TMEM123: variants seen among roughly 807,000 people sequenced by gnomAD.
The protein encoded by TMEM123 is porimin.
Under a neutral mutation model 19.7 loss-of-function variants are expected in TMEM123, and 16 were observed. The observed-to-expected ratio is 0.81, with a 90% confidence interval of 0.55 to 1.23. TMEM123 has a LOEUF of 1.23. Among genes scored for constraint, TMEM123 ranks in the 50% most tolerant of loss-of-function variants. The probability of loss-of-function intolerance (pLI) is 0.00; values close to 1 mark genes in which losing one functional copy is unlikely to be tolerated. For missense variants in TMEM123, 313 were observed against 257.8 expected, an observed-to-expected ratio of 1.21 and a Z score of -1.47; for synonymous variants, 118 against 99.4, an observed-to-expected ratio of 1.19 and a Z score of -1.12.
At chr11:102,451,836 T>TGCAGCTGTGCCCTTAACGCTGC (rs1857942695) in intron 1 of TMEM123, among the ~76,000 whole-genome samples, 2 of 152,238 alleles carry the variant, frequency 1.3e-5, no homozygotes, top group South Asian at 4.1e-4. Flanking sequence ...CCGGCGACCG[T>TGCAGCTGTGCCCTTAACGCTGC]GCAGCTGTGC....
chr11:102,433,638 G>A (rs1446803447), intron 2 of TMEM123, among the ~76,000 whole-genome samples: 1 of 151,842 alleles, frequency 6.6e-6, no homozygotes, highest in Admixed American at 6.6e-5. Context: ...CTGAGGGCAT[G>A]AGATTTGGGA....
intron 2 of TMEM123, among the ~76,000 whole-genome samples, chr11:102,430,759 G>GC (rs1005246308): frequency 4.9e-4 from 75 of 152,342 alleles, no homozygotes; most frequent in African/African-American, 1.7e-3. Flanking sequence ...TACTCTCTTA[G>GC]CCGCATGAGA....
intron 2 of TMEM123, among the ~76,000 whole-genome samples, chr11:102,415,908 TATTATTATTATC>T (rs988474142): frequency 3.1e-4 from 8 of 26,172 alleles, no homozygotes; most frequent in African/African-American, 5.4e-4. Flanking sequence ...TTATTATTAT[TATTATTATTATC>T]ATCATTATTT....
rs918757035 is a variant in TMEM123 at position 102,436,618 on chromosome 11, T to C, written c.157+12194A>G. 2.1e-4 allele frequency among the ~76,000 whole-genome samples: 32 copies of C among 151,958 alleles called. 1 individual carries two copies. Among genetic ancestry groups the C allele is most frequent in the African/African-American group, 7.7e-4 (32 of 41,426 alleles). ...TGCAGTTAACGTTCAGTACCAATTA[T>C]TGTTTAACTCTACTTACTGCTTAAC... On this transcript the variant is annotated intron_variant, in intron 2 of 4. Transcript: ENST00000398136.
chr11:102,442,878 C>G (rs1257548776), intron 2 of TMEM123, among the ~76,000 whole-genome samples: 3 of 152,178 alleles, frequency 2.0e-5, no homozygotes, highest in Non-Finnish European at 4.4e-5. Flanking sequence ...GTGCAAAAAT[C>G]ACAAGCATTC....
At chr11:102,427,550 C>T (rs895310456) in intron 2 of TMEM123, among the ~76,000 whole-genome samples, 3 of 144,906 alleles carry the variant, frequency 2.1e-5, no homozygotes, top group Non-Finnish European at 4.5e-5. Context: ...ATAAATTCTA[C>T]GGAAATGGCT....
At chr11:102,408,566 G>GAGAATT (rs1288705322) in intron 2 of TMEM123, among the ~76,000 whole-genome samples, 1 of 152,200 alleles carries the variant, frequency 6.6e-6, no homozygotes, top group East Asian at 1.9e-4. Flanking sequence ...AAGAGTCTGG[G>GAGAATT]AGAATTCACT....
At chr11:102,428,110 T>C (rs1389013184) in intron 2 of TMEM123, among the ~76,000 whole-genome samples, 1 of 152,130 alleles carries the variant, frequency 6.6e-6, no homozygotes, top group African/African-American at 2.4e-5. Context: ...TCACCCTTCC[T>C]GGGAGTGTGA....
intron 2 of TMEM123, among the ~76,000 whole-genome samples, chr11:102,439,313 C>A (rs1565355459): frequency 6.6e-6 from 1 of 151,316 alleles, no homozygotes; most frequent in Non-Finnish European, 1.5e-5. Context: ...GTCCCTGACC[C>A]CCGAGAAGCC....
intron 2 of TMEM123, among the ~76,000 whole-genome samples, chr11:102,429,539 C>G (rs931187420): frequency 6.6e-6 from 1 of 152,128 alleles, no homozygotes; most frequent in African/African-American, 2.4e-5. Context: ...TTGACTCTTG[C>G]CTTGAGAAAA....
chr11:102,405,367 A>G (rs1951946802), intron 2 of TMEM123, among the ~76,000 whole-genome samples: 1 of 152,106 alleles, frequency 6.6e-6, no homozygotes, highest in South Asian at 2.1e-4. Flanking sequence ...TATTTTCTTA[A>G]TAAGGCCAAA....
At chr11:102,437,855 G>A (rs1857780474) in intron 2 of TMEM123, among the ~76,000 whole-genome samples, 1 of 152,074 alleles carries the variant, frequency 6.6e-6, no homozygotes, top group Non-Finnish European at 1.5e-5. Flanking sequence ...TCCTCATCCT[G>A]TTTCAGGGCT....
At chr11:102,428,684 C>T (rs1219753957) in intron 2 of TMEM123, among the ~76,000 whole-genome samples, 1 of 152,024 alleles carries the variant, frequency 6.6e-6, no homozygotes, top group African/African-American at 2.4e-5. Context: ...AATTAAATGG[C>T]CATCTGGACA....
chr11:102,419,158 A>G (rs978211291), intron 2 of TMEM123, among the ~76,000 whole-genome samples: 2 of 152,220 alleles, frequency 1.3e-5, no homozygotes, highest in African/African-American at 4.8e-5. Context: ...CTCGAGCCTA[A>G]AATAAAAGAA....
chr11:102,443,660 C>T (rs1452957648), intron 2 of TMEM123, among the ~76,000 whole-genome samples: 1 of 152,050 alleles, frequency 6.6e-6, no homozygotes, highest in Non-Finnish European at 1.5e-5. Context: ...ACTAAAACAC[C>T]AAAAGCAATG....
At chr11:102,452,413 T>G in intron 1 of TMEM123, 111 bp downstream of exon 1, 7 of 955,490 alleles carry the variant, frequency 7.3e-6, no homozygotes, top group Non-Finnish European at 8.4e-6. Context: ...GCCCCGAGCG[T>G]TCGGCCAGAC....
At chr11:102,401,469 G>A in intron 4 of TMEM123, 70 bp downstream of exon 4, 1 of 1,384,794 alleles carries the variant, frequency 7.2e-7, no homozygotes, top group South Asian at 1.6e-5. Flanking sequence ...GCACTGGCTT[G>A]ATATTCTATC....
intron 4 of TMEM123, 111 bp downstream of exon 4, chr11:102,401,426 CAT>C (rs1458277142): frequency 3.0e-6 from 3 of 1,013,278 alleles, no homozygotes; most frequent in East Asian, 2.7e-5. Context: ...GAATATAACT[CAT>C]AAATCTATCA....
chr11:102,416,385 C>A (rs950088630), intron 2 of TMEM123, among the ~76,000 whole-genome samples: 1 of 152,082 alleles, frequency 6.6e-6, no homozygotes, highest in Non-Finnish European at 1.5e-5. Flanking sequence ...AACACCACTA[C>A]GTATACAAAC....
Sources: gnomAD v4.1 joint callset for allele counts (sites outside exome capture counted in the v4.1 genomes callset) on GRCh38, gnomAD v4.1.1 for gene constraint, MANE v1.5 for transcripts, NCBI Gene and HGNC (gene_info 2026-07-23, HGNC 2026-07-21) for gene names.